PCDHGA5: variants seen among roughly 807,000 people sequenced by gnomAD.
The protein encoded by PCDHGA5 is protocadherin gamma subfamily A, 5, also known as protocadherin gamma-A5.
PCDHGA5 carries 36 observed loss-of-function variants against 56.7 expected under a neutral mutation model. That is an observed-to-expected ratio of 0.64 (90% CI 0.49 to 0.84). PCDHGA5 has a LOEUF of 0.84. PCDHGA5 is among the 40% of genes least tolerant of loss of function. PCDHGA5 has a pLI of 0.00. For synonymous variants in PCDHGA5, 563 were observed against 520.2 expected (o/e 1.08, Z -1.12); for missense variants, 1,305 against 1,201.5 (o/e 1.09, Z -1.27).
intron 1 of PCDHGA5, chr5:141,478,076 C>A: frequency 6.2e-7 from 1 of 1,614,106 alleles, no homozygotes. Context: ...CAATGGGGAG[C>A]CTTCGCTCTC....
intron 1 of PCDHGA5, among the ~76,000 whole-genome samples, chr5:141,474,185 C>T (rs1481544975): frequency 1.3e-5 from 2 of 152,180 alleles, no homozygotes; most frequent in Non-Finnish European, 2.9e-5. Flanking sequence ...AAACTACTTA[C>T]ATTTTTAAAA....
At chr5:141,403,218 G>A in intron 1 of PCDHGA5, 1 of 1,613,968 alleles carries the variant, frequency 6.2e-7, no homozygotes. Flanking sequence ...ACCGCGGGTA[G>A]GATAGACCGG....
chr5:141,415,055 C>A (rs767474996), intron 1 of PCDHGA5: 1 of 1,613,402 alleles, frequency 6.2e-7, no homozygotes, highest in Non-Finnish European at 8.5e-7. Context: ...GGGGAGCACA[C>A]GGGCGAGGTG....
intron 1 of PCDHGA5, chr5:141,390,248 A>G (rs778353032): frequency 2.5e-6 from 4 of 1,613,850 alleles, no homozygotes; most frequent in East Asian, 2.2e-5. Context: ...CCTTATTTCC[A>G]CTTTGTAATT....
chr5:141,407,371 T>C (rs2094921499), intron 1 of PCDHGA5, among the ~76,000 whole-genome samples: 1 of 152,222 alleles, frequency 6.6e-6, no homozygotes, highest in South Asian at 2.1e-4. Context: ...CAGATATCCA[T>C]GAAGGCTTGT....
chr5:141,373,902 T>G (rs973881316), intron 1 of PCDHGA5: 8 of 577,832 alleles, frequency 1.4e-5, no homozygotes, highest in Admixed American at 3.7e-5. Context: ...AGTTACATCC[T>G]CCAACAACAA....
intron 1 of PCDHGA5, among the ~76,000 whole-genome samples, chr5:141,381,193 T>C (rs1052848234): frequency 2.6e-5 from 4 of 152,260 alleles, no homozygotes; most frequent in African/African-American, 9.6e-5. Context: ...TAAGCTTTCT[T>C]AGTGTTAGTT....
intron 1 of PCDHGA5, chr5:141,441,855 G>T (rs1210416963): frequency 2.8e-6 from 1 of 351,872 alleles, no homozygotes; most frequent in Admixed American, 4.0e-5. Context: ...ATATGGTGCT[G>T]CACGCCGCGG....
At chr5:141,419,991 T>C (rs1192003266) in intron 1 of PCDHGA5, 1 of 1,614,078 alleles carries the variant, frequency 6.2e-7, no homozygotes. Context: ...ATTCTAGCTA[T>C]TGCTCTACGC....
Position 141,383,965 on chromosome 5 carries a change from A to G in PCDHGA5, c.2421+17214A>G, listed in dbSNP as rs1208203107. ...GACTATGACGTCTTTAAGTAGCTCA[A>G]TCCCTGAAGACACACCTCTTGGGAC... On this transcript the variant is annotated intron_variant, in intron 1 of 3. Coordinates refer to ENST00000518069, the MANE Select transcript of PCDHGA5 (RefSeq NM_018918.3). 1 of 1,613,598 alleles carries G rather than the reference A, an allele frequency of 6.2e-7. No individual in the cohort carries two copies. The highest frequency in any genetic ancestry group is 2.2e-5 in the East Asian group (1 of 44,892).
chr5:141,424,116 T>G, intron 1 of PCDHGA5: 1 of 667,648 alleles, frequency 1.5e-6, no homozygotes, highest in Non-Finnish European at 1.9e-6. Context: ...GTTCAAATTT[T>G]GATCCTGTTG....
intron 1 of PCDHGA5, among the ~76,000 whole-genome samples, chr5:141,449,974 A>T (rs2098661108): frequency 6.6e-6 from 1 of 151,260 alleles, no homozygotes; most frequent in African/African-American, 2.4e-5. Context: ...TTTAGTCCAA[A>T]ATATCACACA....
intron 1 of PCDHGA5, chr5:141,404,458 C>A: frequency 6.2e-7 from 1 of 1,612,914 alleles, no homozygotes; most frequent in East Asian, 2.2e-5. Context: ...CTCCTCTCTC[C>A]ACCTATGTCT....
At chr5:141,426,714 C>T (rs779529448) in intron 1 of PCDHGA5, 2 of 444,724 alleles carry the variant, frequency 4.5e-6, no homozygotes, top group South Asian at 3.1e-5. Flanking sequence ...AATCAATGAA[C>T]TAGCAATTCC....
At chr5:141,422,881 T>G in intron 1 of PCDHGA5, 1 of 1,614,214 alleles carries the variant, frequency 6.2e-7, no homozygotes, top group East Asian at 2.2e-5. Flanking sequence ...GCTGAGCCTG[T>G]TCGTGCTGGA....
chr5:141,376,553 G>A (rs746063311), intron 1 of PCDHGA5: 3 of 1,610,808 alleles, frequency 1.9e-6, no homozygotes, highest in Admixed American at 1.7e-5. Context: ...TGATCTTCCC[G>A]CAACCCAACT....
At chr5:141,428,407 T>C in intron 1 of PCDHGA5, 1 of 470,350 alleles carries the variant, frequency 2.1e-6, no homozygotes, top group South Asian at 2.0e-5. Context: ...CTGGGGTTGC[T>C]TTCACCCTGG....
Position 141,365,087 on chromosome 5 carries a change from G to A in PCDHGA5, c.757G>A (p.Glu253Lys), listed in dbSNP as rs771010337. ...TPSEYSVSVP[E>K]NIPVGTRLLM... ...ATCCGAGTACAGCGTGAGTGTTCCA[G>A]AGAACATACCTGTGGGCACTCGGCT... Residue 253 changes from glutamate (E) to lysine (K), a missense_variant, in exon 1 of 4, where the codon GAG becomes AAG. Glu to Lys is a moderately conservative substitution (Grantham distance 56, BLOSUM62 1). Transcript: ENST00000518069. 1.2e-6 allele frequency: 2 copies of A among 1,613,854 alleles called. No individual in the cohort carries two copies. Among genetic ancestry groups the A allele is most frequent in the Non-Finnish European group, 1.7e-6 (2 of 1,179,876 alleles).
At chr5:141,413,986 A>G (rs1464771336) in intron 1 of PCDHGA5, 1 of 1,613,554 alleles carries the variant, frequency 6.2e-7, no homozygotes, top group Admixed American at 1.7e-5. Flanking sequence ...AGTCACAGCC[A>G]CCGACAGGGA....
Sources: allele counts gnomAD v4.1 joint callset (sites outside exome capture counted in the v4.1 genomes callset), GRCh38; gene constraint gnomAD v4.1.1; transcripts MANE v1.5; gene names NCBI Gene and HGNC (gene_info 2026-07-23, HGNC 2026-07-21).